The following DACH2 variants were observed in gnomAD, a reference collection of about 807,000 sequenced individuals.
The protein encoded by DACH2 is dachshund homolog 2.
In DACH2, 17 loss-of-function variants were observed where a neutral mutation model predicts 35.8. The ratio of observed to expected loss-of-function variants is 0.48; its 90% CI spans 0.33 to 0.71. The LOEUF (loss-of-function observed/expected upper bound fraction) is 0.71, where lower values mean the gene tolerates loss of function less well. Ranked by LOEUF, DACH2 falls within the 30% of genes least tolerant of loss-of-function variation. The pLI is 0.02. For missense variants in DACH2, 469 were observed against 472.7 expected, an observed-to-expected ratio of 0.99 and a Z score of 0.07; for synonymous variants, 195 against 177.3, an observed-to-expected ratio of 1.10 and a Z score of -0.79.
chrX:86,618,285 T>G (rs1282340048), intron 3 of DACH2, among the ~76,000 whole-genome samples: 4 of 112,170 alleles, frequency 3.6e-5, no homozygotes, highest in African/African-American at 1.3e-4. Context: ...AAAAGTATCA[T>G]ATTGCCAGAT....
chrX:86,423,523 T>A (rs1269002998), intron 2 of DACH2, among the ~76,000 whole-genome samples: 1 of 91,591 alleles, frequency 1.1e-5, no homozygotes, highest in Non-Finnish European at 2.3e-5. Context: ...ATAATTAGAT[T>A]TTTTTTTTTC....
chrX:86,698,533 T>TTTTTTTTTTTTTTTG (rs2041099273), intron 5 of DACH2, among the ~76,000 whole-genome samples: 1 of 63,032 alleles, frequency 1.6e-5, no homozygotes, highest in African/African-American at 6.0e-5. Context: ...TTTTTTTTTT[T>TTTTTTTTTTTTTTTG]TTTTTTTTTT....
chrX:86,746,227 T>G (rs113469366), intron 7 of DACH2, among the ~76,000 whole-genome samples: 1 of 111,472 alleles, frequency 9.0e-6, no homozygotes, highest in Admixed American at 9.6e-5. Context: ...TGCATACAGT[T>G]TTGGGTTGAC....
At chrX:86,338,347 A>C (rs2035354212) in intron 1 of DACH2, among the ~76,000 whole-genome samples, 1 of 111,879 alleles carries the variant, frequency 8.9e-6, no homozygotes, top group Admixed American at 9.5e-5. Context: ...CTGAAGGAAC[A>C]GAAAATCATA....
chrX:86,517,717 C>A (rs1400219751), intron 3 of DACH2, among the ~76,000 whole-genome samples: 2 of 111,556 alleles, frequency 1.8e-5, no homozygotes, highest in African/African-American at 6.5e-5. Context: ...CACGCCTGAC[C>A]CTTTGCCCGC....
chrX:86,398,326 T>G (rs2148126902), intron 2 of DACH2, among the ~76,000 whole-genome samples: 1 of 112,720 alleles, frequency 8.9e-6, no homozygotes, highest in African/African-American at 3.2e-5. Context: ...TTGTTGATCT[T>G]TTCAAAAAAC....
chrX:86,655,528 G>A (rs906778258), intron 4 of DACH2, among the ~76,000 whole-genome samples: 1 of 111,868 alleles, frequency 8.9e-6, no homozygotes, highest in African/African-American at 3.2e-5. Context: ...TAAGCAGTGT[G>A]GCTAGTGACT....
chrX:86,730,779 G>T (rs1487936608), intron 6 of DACH2, among the ~76,000 whole-genome samples: 3 of 111,532 alleles, frequency 2.7e-5, no homozygotes, highest in African/African-American at 6.5e-5. Context: ...TGAGACCAGG[G>T]TTTCTGAGTT....
At chrX:86,413,484 G>T (rs1273731806) in intron 2 of DACH2, among the ~76,000 whole-genome samples, 1 of 111,477 alleles carries the variant, frequency 9.0e-6, no homozygotes, top group Non-Finnish European at 1.9e-5. Context: ...GTCACATCTT[G>T]GTTAAGCTTA....
At position 86,360,521 on chromosome X, in the gene DACH2, T is replaced by C. The variant is rs1044457447; in HGVS notation, c.489-16303T>C. 2.7e-5 allele frequency among the ~76,000 whole-genome samples: 3 copies of C among 111,919 alleles called. No individual in the cohort carries two copies. The Admixed American group carries it at 2.9e-4, about 11-fold the overall frequency. On this transcript the variant is annotated intron_variant, in intron 1 of 11. Coordinates refer to ENST00000373125, the MANE Select transcript of DACH2 (RefSeq NM_053281.3). ...TTTCAGTGTTTGAGAAGCCTATAAA[T>C]ATTTAAGGAAAAAACACACTTTTAC...
At chrX:86,307,653 A>C (rs2034716827) in intron 1 of DACH2, among the ~76,000 whole-genome samples, 1 of 110,956 alleles carries the variant, frequency 9.0e-6, no homozygotes, top group African/African-American at 3.3e-5. Context: ...GATAATGTTG[A>C]TTCTCCTCAG....
At chrX:86,586,413 T>C (rs2039571500) in intron 3 of DACH2, among the ~76,000 whole-genome samples, 1 of 111,815 alleles carries the variant, frequency 8.9e-6, no homozygotes, top group Admixed American at 9.5e-5. Flanking sequence ...AGCTCTCTAG[T>C]TTAATTAGGT....
intron 1 of DACH2, among the ~76,000 whole-genome samples, chrX:86,200,144 A>G (rs1266166855): frequency 3.6e-5 from 4 of 110,649 alleles, no homozygotes; most frequent in Admixed American, 2.9e-4. Context: ...ATGGCTGCAC[A>G]CCTACAATGA....
chrX:86,173,446 G>T (rs895290987), intron 1 of DACH2, among the ~76,000 whole-genome samples: 5 of 111,564 alleles, frequency 4.5e-5, no homozygotes, highest in African/African-American at 1.6e-4. Flanking sequence ...AAATAGGATG[G>T]GCATTGTAGG....
intron 3 of DACH2, among the ~76,000 whole-genome samples, chrX:86,588,777 T>A (rs1161212477): frequency 9.0e-6 from 1 of 111,044 alleles, no homozygotes; most frequent in Non-Finnish European, 1.9e-5. Context: ...GTCTCTGGGG[T>A]TTCCTAGGTA....
rs1463155996 is a variant in DACH2 at position 86,167,970 on chromosome X, C to T, written c.488+18862C>T. Among the ~76,000 whole-genome samples the T allele has an allele frequency of 7.2e-5, 8 of 111,564 alleles. No homozygotes were observed. In the South Asian group the frequency reaches 3.0e-3, roughly 41 times the overall value. On this transcript the variant is annotated intron_variant, in intron 1 of 11. Transcript: ENST00000373125. ...TTTTGTGATTTAACATATGGTCTGT[C>T]CTTGAGAATGATCCATGTGCTGAGG...
At chrX:86,311,339 G>A (rs2034795050) in intron 1 of DACH2, among the ~76,000 whole-genome samples, 1 of 111,961 alleles carries the variant, frequency 8.9e-6, no homozygotes, top group Admixed American at 9.5e-5. Context: ...GTGAGCTCAG[G>A]CTTATGGAAT....
At chrX:86,300,163 G>A (rs756950985) in intron 1 of DACH2, among the ~76,000 whole-genome samples, 13 of 110,869 alleles carry the variant, frequency 1.2e-4, no homozygotes, top group Non-Finnish European at 2.5e-4. Context: ...CCCATTAGCC[G>A]TTAATTATAT....
intron 11 of DACH2, among the ~76,000 whole-genome samples, chrX:86,822,608 T>C (rs1489394771): frequency 8.9e-6 from 1 of 111,943 alleles, no homozygotes; most frequent in African/African-American, 3.2e-5. Context: ...AAATCTCACA[T>C]AGTTAGCTAG....
Sources: allele counts gnomAD v4.1 joint callset (sites outside exome capture counted in the v4.1 genomes callset), GRCh38; gene constraint gnomAD v4.1.1; transcripts MANE v1.5; gene names NCBI Gene and HGNC (gene_info 2026-07-23, HGNC 2026-07-21).